Variants in FRMD5 observed in about 807,000 individuals in gnomAD.
FRMD5 encodes the protein FERM domain-containing protein 5.
In FRMD5, 20 loss-of-function variants were observed where a neutral mutation model predicts 69.0. That is an observed-to-expected ratio of 0.29 (90% CI 0.20 to 0.42). The LOEUF (loss-of-function observed/expected upper bound fraction) is 0.42. FRMD5 is among the 10% of genes least tolerant of loss of function. The probability of loss-of-function intolerance (pLI) is 1.00; values close to 1 mark genes in which losing one functional copy is unlikely to be tolerated. For synonymous variants in FRMD5, 271 were observed against 260.1 expected (o/e 1.04, Z -0.40); for missense variants, 595 against 708.6 (o/e 0.84, Z 1.82).
chr15:44,174,065 C>A (rs1224655352), intron 1 of FRMD5, among the ~76,000 whole-genome samples: 3 of 151,964 alleles, frequency 2.0e-5, no homozygotes, highest in Non-Finnish European at 2.9e-5. Context: ...AAACACTATA[C>A]TCCTTTCACT....
intron 1 of FRMD5, among the ~76,000 whole-genome samples, chr15:43,972,262 A>ACAC (rs1566871632): frequency 1.3e-5 from 2 of 152,054 alleles, no homozygotes; most frequent in East Asian, 3.9e-4. Flanking sequence ...GCAGCACATC[A>ACAC]CACAACATCA....
Position 43,898,315 on chromosome 15 carries a change from T to C in FRMD5, c.639+3860A>G, listed in dbSNP as rs118080227. Among the ~76,000 whole-genome samples the C allele has an allele frequency of 6.0e-3, 909 of 152,318 alleles. 4 individuals are homozygous for C. Among genetic ancestry groups the C allele is most frequent in the Non-Finnish European group, 9.8e-3 (666 of 68,020 alleles). Reference sequence around the variant, plus strand: ...TACCCAGTACCTTTGGGCATGTTAGTTGGTTCCTTAGAGGGGACTTATCTC... The same window carrying C: ...TACCCAGTACCTTTGGGCATGTTAGCTGGTTCCTTAGAGGGGACTTATCTC... On this transcript the variant is annotated intron_variant, in intron 7 of 13. Transcript: ENST00000417257.
Position 43,924,091 on chromosome 15 carries a change from G to A in FRMD5, c.207+114C>T, listed in dbSNP as rs117283776. On this transcript the variant is annotated intron_variant, in intron 2 of 13. Transcript: ENST00000417257. ...TCTGAAGAGACGACATCCAACTGCA[G>A]GGTCTGGTTGGTCCCTGATTCCTGA... 6 of 804,562 alleles carry A rather than the reference G, an allele frequency of 7.5e-6. No individual in the cohort carries two copies. The East Asian group carries it at 1.2e-4, about 16-fold the overall frequency. The allele number at this position is 804,562 out of a possible 1,614,324, so 49.8% of individuals were successfully genotyped here.
At chr15:44,012,835 C>T (rs928620591) in intron 1 of FRMD5, among the ~76,000 whole-genome samples, 3 of 144,582 alleles carry the variant, frequency 2.1e-5, no homozygotes, top group Non-Finnish European at 3.0e-5. Flanking sequence ...GGCACAATCT[C>T]GGCTCACTGC....
chr15:44,183,283 T>C (rs2078041822), intron 1 of FRMD5, among the ~76,000 whole-genome samples: 1 of 152,138 alleles, frequency 6.6e-6, no homozygotes, highest in African/African-American at 2.4e-5. Flanking sequence ...GAGGGCCTTC[T>C]GTGCCATGCT....
intron 1 of FRMD5, among the ~76,000 whole-genome samples, chr15:44,182,710 G>A (rs548282734): frequency 1.3e-5 from 2 of 152,272 alleles, no homozygotes; most frequent in East Asian, 3.9e-4. Flanking sequence ...AAGCCCCTTG[G>A]TGACACCTTA....
intron 1 of FRMD5, among the ~76,000 whole-genome samples, chr15:44,019,170 A>G (rs1357654998): frequency 6.6e-6 from 1 of 152,176 alleles, no homozygotes; most frequent in Non-Finnish European, 1.5e-5. Context: ...CTGGGATTAC[A>G]GATGTGAGCC....
At chr15:44,068,408 T>C (rs777804489) in intron 1 of FRMD5, among the ~76,000 whole-genome samples, 1 of 152,188 alleles carries the variant, frequency 6.6e-6, no homozygotes, top group Non-Finnish European at 1.5e-5. Flanking sequence ...TTATTTGCCA[T>C]AAAAATGAAG....
chr15:44,195,348 G>T (rs1165196845), upstream of FRMD5: 3 of 456,854 alleles, frequency 6.6e-6, no homozygotes, highest in Non-Finnish European at 1.2e-5. Flanking sequence ...GGGGGTCAGC[G>T]CGGCGGAACC....
At chr15:43,937,973 C>A (rs1201731909) in intron 1 of FRMD5, among the ~76,000 whole-genome samples, 1 of 152,040 alleles carries the variant, frequency 6.6e-6, no homozygotes, top group African/African-American at 2.4e-5. Flanking sequence ...TTCTTAAGAG[C>A]CTACCATGTG....
At chr15:43,984,736 C>A (rs909788516) in intron 1 of FRMD5, among the ~76,000 whole-genome samples, 8 of 152,200 alleles carry the variant, frequency 5.3e-5, no homozygotes, top group Admixed American at 4.6e-4. Flanking sequence ...GTAATCCCAA[C>A]GCCTTGGGAG....
At chr15:44,184,572 A>G (rs1293752755) in intron 1 of FRMD5, among the ~76,000 whole-genome samples, 1 of 152,200 alleles carries the variant, frequency 6.6e-6, no homozygotes, top group East Asian at 1.9e-4. Context: ...AGGTGTGACC[A>G]TCACACAAAG....
At chr15:44,044,318 T>G (rs1490203472) in intron 1 of FRMD5, among the ~76,000 whole-genome samples, 1 of 152,236 alleles carries the variant, frequency 6.6e-6, no homozygotes, top group African/African-American at 2.4e-5. Context: ...TTTACACTGT[T>G]GGTGGGACTG....
intron 1 of FRMD5, among the ~76,000 whole-genome samples, chr15:44,058,300 T>C (rs2140369753): frequency 6.6e-6 from 1 of 152,244 alleles, no homozygotes; most frequent in East Asian, 1.9e-4. Context: ...CATTGGCAAA[T>C]CTATAGAGAC....
intron 1 of FRMD5, among the ~76,000 whole-genome samples, chr15:44,024,808 C>A (rs1330020973): frequency 6.6e-6 from 1 of 152,182 alleles, no homozygotes; most frequent in Admixed American, 6.5e-5. Context: ...ACATCTACTT[C>A]ATGTGATAAA....
At chr15:44,044,144 T>A (rs899345208) in intron 1 of FRMD5, among the ~76,000 whole-genome samples, 12 of 152,136 alleles carry the variant, frequency 7.9e-5, no homozygotes, top group Admixed American at 5.9e-4. Context: ...AGAAGACATT[T>A]ATGTGGCCAA....
intron 1 of FRMD5, among the ~76,000 whole-genome samples, chr15:44,017,063 G>T (rs1314286196): frequency 6.6e-6 from 1 of 151,970 alleles, no homozygotes; most frequent in Non-Finnish European, 1.5e-5. Context: ...AACTGGCCGG[G>T]TGCGGTGGCT....
At chr15:44,096,353 A>G (rs1264917916) in intron 1 of FRMD5, among the ~76,000 whole-genome samples, 4 of 151,982 alleles carry the variant, frequency 2.6e-5, no homozygotes, top group Non-Finnish European at 5.9e-5. Flanking sequence ...TTAACAACCT[A>G]AAACAAATGC....
intron 13 of FRMD5, chr15:43,879,678 C>CA (rs1278880144): frequency 2.5e-6 from 1 of 398,934 alleles, no homozygotes; most frequent in African/African-American, 2.1e-5. Flanking sequence ...CATGGTGGCC[C>CA]AGGAAGGCAA....
Sources: allele counts gnomAD v4.1 joint callset (sites outside exome capture counted in the v4.1 genomes callset), GRCh38; gene constraint gnomAD v4.1.1; transcripts MANE v1.5; gene names NCBI Gene and HGNC (gene_info 2026-07-23, HGNC 2026-07-21).